PTCD3: variants seen among roughly 807,000 people sequenced by gnomAD.
PTCD3 encodes the protein small ribosomal subunit protein mS39.
PTCD3 carries 89 observed loss-of-function variants against 101.9 expected under a neutral mutation model. That is an observed-to-expected ratio of 0.87 (90% confidence interval 0.74 to 1.04). The LOEUF is 1.04. Among genes scored for constraint, PTCD3 ranks in the 50% least tolerant of loss-of-function variants. The pLI, the probability that PTCD3 is intolerant of heterozygous loss-of-function variation, is 0.00. For synonymous variants in PTCD3, 296 were observed against 278.5 expected (o/e 1.06, Z -0.63); for missense variants, 870 against 828.2 (o/e 1.05, Z -0.62).
At chr2:86,110,627 C>T (rs142319149) in intron 3 of PTCD3, among the ~76,000 whole-genome samples, 16 of 152,274 alleles carry the variant, frequency 1.1e-4, no homozygotes, top group African/African-American at 3.9e-4. Context: ...CAGGAGGTTG[C>T]ATCAGAATTA....
intron 19 of PTCD3, 80 bp downstream of exon 19, chr2:86,133,516 G>A (rs1674529439): frequency 1.5e-6 from 2 of 1,323,090 alleles, no homozygotes; most frequent in Non-Finnish European, 1.1e-6. Flanking sequence ...TAACATTACT[G>A]TTAGGGATGA....
At chr2:86,127,451 ATGTACT>A in intron 13 of PTCD3, 146 bp downstream of exon 13, 1 of 918,360 alleles carries the variant, frequency 1.1e-6, no homozygotes, top group Non-Finnish European at 1.6e-6. Context: ...ATTTACTTAC[ATGTACT>A]TATTATAGTG....
In PTCD3 at chr2:86,135,003, C is replaced by T. The variant is rs772762873; in HGVS notation, c.1778+16C>T. 3 of 1,602,132 alleles carry T rather than the reference C, an allele frequency of 1.9e-6. No homozygotes were observed. On this transcript the variant is annotated intron_variant, in intron 21 of 23. Transcript: ENST00000254630. ...AGGAAGCCTGGTGAGTACAGTACCACAAGTATACACTTTAGAAGCTTTTGT... is the reference window on the plus strand; with the variant it reads ...AGGAAGCCTGGTGAGTACAGTACCATAAGTATACACTTTAGAAGCTTTTGT...
chr2:86,119,892 G>A (rs555949998), intron 7 of PTCD3, among the ~76,000 whole-genome samples: 2 of 152,286 alleles, frequency 1.3e-5, no homozygotes, highest in South Asian at 2.1e-4. Flanking sequence ...CACGTAAATA[G>A]CACAGCTGAT....
chr2:86,123,859 A>G (rs1674337533), intron 9 of PTCD3, 97 bp downstream of exon 9: 1 of 829,584 alleles, frequency 1.2e-6, no homozygotes, highest in Non-Finnish European at 1.8e-6. Context: ...TGATGTTCTA[A>G]AATAATTGAT....
intron 8 of PTCD3, 36 bp downstream of exon 8, chr2:86,121,630 A>G (rs1480784901): frequency 5.2e-6 from 7 of 1,344,700 alleles, no homozygotes; most frequent in Non-Finnish European, 7.3e-6. Context: ...TTTTTTCCTT[A>G]AGCTTCTTTT....
intron 21 of PTCD3, chr2:86,136,069 C>A (rs935495751): frequency 5.8e-6 from 3 of 517,378 alleles, no homozygotes; most frequent in South Asian, 1.4e-5. Context: ...AGGGAAACAG[C>A]AGGTTCTGTT....
chr2:86,133,350 A>C lies in PTCD3; in HGVS notation c.1457A>C (p.Tyr486Ser). 1.2e-6 allele frequency: 2 copies of C among 1,614,136 alleles called. No homozygotes were observed. The highest frequency in any genetic ancestry group is 1.7e-6 in the Non-Finnish European group (2 of 1,179,992). ...KWYEDLIPSA[Y>S]FPHSQTMIHL... ...AAATGTGTTTCTCTTAATCAGGCCT[A>C]CTTTCCCCACTCCCAAACAATGATA... is the stretch of plus-strand genomic sequence containing the variant. The change falls in exon 19 of 24, where the codon TAC (tyrosine) becomes TCC (serine). Residue 486 changes from tyrosine to serine, a missense_variant. Coordinates refer to ENST00000254630, the MANE Select transcript of PTCD3 (RefSeq NM_017952.6).
Position 86,121,556 on chromosome 2 carries a change from G to T in PTCD3, c.616G>T (p.Asp206Tyr), listed in dbSNP as rs1186929724. The T allele has an allele frequency of 3.7e-6, 6 of 1,610,246 alleles. No homozygotes were observed. Among genetic ancestry groups the T allele is most frequent in the African/African-American group, 1.3e-5 (1 of 74,692 alleles). The change falls in exon 8 of 24, where the codon GAT becomes TAT. Residue 206 changes from aspartate to tyrosine, a missense_variant. By Grantham distance (160) the Asp-to-Tyr change is radical. Coordinates refer to ENST00000254630, the MANE Select transcript of PTCD3 (RefSeq NM_017952.6). ...CTATGGTGACCAGGAGCCCTCAACT[G>T]ATTACCATTTTCAACAAACTGGACA... ...CYYGDQEPST[D>Y]YHFQQTGQSE...
rs1285489925 is a variant in PTCD3 at position 86,138,911 on chromosome 2, A to G, written c.*1352A>G. ...CCTTACTATTCAATACAGTCCTTAG[A>G]TTCACGGTATGCCTCTTCCTATCCA... On this transcript the variant is annotated 3_prime_UTR_variant, in exon 24 of 24. Transcript: ENST00000254630. The G allele has an allele frequency of 6.6e-6, 1 of 152,156 alleles. No homozygotes were observed. The highest frequency in any genetic ancestry group is 1.5e-5 in the Non-Finnish European group (1 of 68,034). The allele number at this position is 152,156 out of a possible 1,614,324, so 9.4% of individuals were successfully genotyped here.
At position 86,130,660 on chromosome 2, in the gene PTCD3, A is replaced by AGAGAT; in HGVS notation, c.1161_1165dup (p.Ser389Ter). 6.2e-7 allele frequency: 1 copy of AGAGAT among 1,612,750 alleles called. No homozygotes were observed. The highest frequency in any genetic ancestry group is 2.2e-5 in the East Asian group (1 of 44,826). ...TCTTGTTCTGCAGGAGACCCTTTAA[A>AGAGAT]GAGATCATCCTTCATCATTTATGAT... On this transcript the variant is annotated frameshift_variant, in exon 15 of 24. Coordinates refer to ENST00000254630, the MANE Select transcript of PTCD3 (RefSeq NM_017952.6). LOFTEE classifies it high-confidence loss of function.
Position 86,118,909 on chromosome 2 carries a change from T to G in PTCD3, c.415-12T>G, listed in dbSNP as rs778284630. 333 of 1,608,732 alleles carry G rather than the reference T, an allele frequency of 2.1e-4. No homozygotes were observed. The highest frequency in any genetic ancestry group is 2.7e-4 in the Non-Finnish European group (318 of 1,178,440). On this transcript the variant is annotated splice_polypyrimidine_tract_variant and intron_variant, in intron 6 of 23. Transcript: ENST00000254630. Reference sequence around the variant, plus strand: ...CCTGTTTGTAGTAACTTTAGTCATCTTGTTTTCCTAGTGTTTAATGCCTGA... The same window carrying G: ...CCTGTTTGTAGTAACTTTAGTCATCGTGTTTTCCTAGTGTTTAATGCCTGA...
At position 86,130,712 on chromosome 2, in the gene PTCD3, A is replaced by G. The variant is rs1266729028; in HGVS notation, c.1212A>G (p.Arg404=). Residue 404 remains arginine (R), a synonymous_variant, in exon 15 of 24, where the codon AGA becomes AGG. Coordinates refer to ENST00000254630, the MANE Select transcript of PTCD3 (RefSeq NM_017952.6). ...TAATGAATGAATTAATGGGAAAGAG[A>G]TTTTCTCCAAAGGACCCGGATGATG... ...YDIMNELMGK[R]FSPKDPDDDK... The G allele has an allele frequency of 1.2e-6, 2 of 1,613,572 alleles. No homozygotes were observed.
intron 12 of PTCD3, among the ~76,000 whole-genome samples, chr2:86,126,154 C>T (rs376449467): frequency 4.7e-5 from 7 of 148,764 alleles, no homozygotes; most frequent in East Asian, 2.0e-4. Context: ...CTATTGAACC[C>T]GGGAGGCGGA....
chr2:86,125,540 C>G, intron 11 of PTCD3, 25 bp downstream of exon 11: 3 of 1,574,582 alleles, frequency 1.9e-6, no homozygotes, highest in Non-Finnish European at 2.6e-6. Flanking sequence ...TCCCCTCTGT[C>G]CCTTTCTCCA....
rs555743968 is a variant in PTCD3 at position 86,112,453 on chromosome 2, G to A, written c.240+1295G>A. Among the ~76,000 whole-genome samples, 7 of 151,652 alleles carry A rather than the reference G, an allele frequency of 4.6e-5. No homozygotes were observed. The South Asian group carries it at 1.5e-3, about 32-fold the overall frequency. On this transcript the variant is annotated intron_variant, in intron 4 of 23. Coordinates refer to ENST00000254630, the MANE Select transcript of PTCD3 (RefSeq NM_017952.6). ...CCCATCACTTTGGGAGACCGAGGGA[G>A]GCTGATTGCTTGAGGTCAGGAGTTC...
In PTCD3 at chr2:86,137,847, C is replaced by T. The variant is rs1354605284; in HGVS notation, c.*288C>T. 1 of 351,294 alleles carries T rather than the reference C, an allele frequency of 2.8e-6. No individual in the cohort carries two copies. The highest frequency in any genetic ancestry group is 2.1e-5 in the African/African-American group (1 of 47,238). The allele number at this position is 351,294 out of a possible 1,614,324, so 21.8% of individuals were successfully genotyped here. A position where few individuals can be genotyped will look rare whatever the true frequency, so the allele number is the denominator to read the frequency against. On this transcript the variant is annotated 3_prime_UTR_variant, in exon 24 of 24. Coordinates refer to ENST00000254630, the MANE Select transcript of PTCD3 (RefSeq NM_017952.6). ...CATGGCTCTTGTCATCAGGATAAGC[C>T]TGCACACCTAGAGTGTCGGTGAGCT...
chr2:86,111,246 A>G (rs1169426351), intron 4 of PTCD3, 88 bp downstream of exon 4: 2 of 1,135,140 alleles, frequency 1.8e-6, no homozygotes, highest in Non-Finnish European at 2.6e-6. Context: ...TAATACTCAT[A>G]CCTCGTCATT....
In PTCD3 at chr2:86,127,177, T is replaced by C. The variant is rs916260534; in HGVS notation, c.968T>C (p.Met323Thr). Residue 323 changes from methionine to threonine, a missense_variant, in exon 13 of 24, where the codon ATG (methionine) becomes ACG (threonine). Coordinates refer to ENST00000254630, the MANE Select transcript of PTCD3 (RefSeq NM_017952.6). The part of the protein sequence containing the change: ...WSKILELLRH[M>T]VAQKVKPNLQ... ...TTCACCTAGGAGCTGCTAAGACACA[T>C]GGTTGCACAGAAGGTGAAACCAAAT... The C allele has an allele frequency of 1.2e-6, 2 of 1,613,296 alleles. No homozygotes were observed. Among genetic ancestry groups the C allele is most frequent in the Non-Finnish European group, 1.7e-6 (2 of 1,179,724 alleles).
Sources: gnomAD v4.1 joint callset for allele counts (sites outside exome capture counted in the v4.1 genomes callset) on GRCh38, gnomAD v4.1.1 for gene constraint, MANE v1.5 for transcripts, NCBI Gene and HGNC (gene_info 2026-07-23, HGNC 2026-07-21) for gene names.